LRRC7: variants seen among roughly 807,000 people sequenced by gnomAD.
The protein encoded by LRRC7 is leucine rich repeat containing 7.
In LRRC7, 23 loss-of-function variants were observed where a neutral mutation model predicts 175.7. The ratio of observed to expected loss-of-function variants is 0.13; its 90% CI spans 0.09 to 0.19. The LOEUF is 0.19. Among genes scored for constraint, LRRC7 ranks in the 10% least tolerant of loss-of-function variants. The probability of loss-of-function intolerance (pLI) is 1.00; values close to 1 mark genes in which losing one functional copy is unlikely to be tolerated. For synonymous variants in LRRC7, 685 were observed against 680.9 expected, an observed-to-expected ratio of 1.01 and a Z score of -0.09; for missense variants, 1,354 against 1,904.7, an observed-to-expected ratio of 0.71 and a Z score of 5.38.
At chr1:69,620,926 A>G (rs995536679) in intron 1 of LRRC7, among the ~76,000 whole-genome samples, 3 of 152,318 alleles carry the variant, frequency 2.0e-5, no homozygotes, top group Admixed American at 2.0e-4. Context: ...ACAGAAGTCT[A>G]GGTAAAAGAC....
intron 23 of LRRC7, among the ~76,000 whole-genome samples, chr1:70,069,093 T>A (rs1269400199): frequency 6.6e-6 from 1 of 152,170 alleles, no homozygotes; most frequent in East Asian, 1.9e-4. Flanking sequence ...GGTAGTTTGC[T>A]TTAGTTTTCA....
At chr1:70,120,666 G>A (rs1236907709) in intron 26 of LRRC7, among the ~76,000 whole-genome samples, 1 of 151,990 alleles carries the variant, frequency 6.6e-6, no homozygotes, top group South Asian at 2.1e-4. Context: ...AAATAAAAAA[G>A]GCAATGTGTA....
At chr1:69,814,088 C>G (rs1477302386) in intron 4 of LRRC7, among the ~76,000 whole-genome samples, 2 of 151,956 alleles carry the variant, frequency 1.3e-5, no homozygotes, top group African/African-American at 4.8e-5. Context: ...GAGGACCAGA[C>G]AGAAGATTAC....
intron 11 of LRRC7, among the ~76,000 whole-genome samples, chr1:70,011,585 A>C (rs1656514891): frequency 2.6e-5 from 4 of 152,154 alleles, no homozygotes. Flanking sequence ...ATAACAGGTA[A>C]ATTTAGAAAG....
At chr1:70,019,441 A>G (rs1657254586) in intron 15 of LRRC7, among the ~76,000 whole-genome samples, 2 of 152,026 alleles carry the variant, frequency 1.3e-5, no homozygotes, top group Non-Finnish European at 2.9e-5. Context: ...GAAACTTAGC[A>G]TAGGCTCCTT....
chr1:69,812,705 CTGA>C (rs1200687418), intron 4 of LRRC7, among the ~76,000 whole-genome samples: 2 of 151,946 alleles, frequency 1.3e-5, no homozygotes, highest in Non-Finnish European at 1.5e-5. Context: ...ACCATTTGGG[CTGA>C]TGATATGTGT....
chr1:69,663,181 T>G (rs1420929826), intron 1 of LRRC7, among the ~76,000 whole-genome samples: 1 of 152,206 alleles, frequency 6.6e-6, no homozygotes, highest in Non-Finnish European at 1.5e-5. Context: ...TACCATGAAT[T>G]ATTTCTGTTG....
At chr1:69,939,427 A>C (rs2101794960) in intron 8 of LRRC7, among the ~76,000 whole-genome samples, 1 of 152,158 alleles carries the variant, frequency 6.6e-6, no homozygotes, top group Middle Eastern at 3.4e-3. Flanking sequence ...ACAGTGAAGT[A>C]TTGCTGAGGA....
At chr1:69,752,863 T>G (rs779093182) in intron 2 of LRRC7, among the ~76,000 whole-genome samples, 1 of 152,156 alleles carries the variant, frequency 6.6e-6, no homozygotes, top group Non-Finnish European at 1.5e-5. Flanking sequence ...TAGAAGGGCC[T>G]TAACAGAAAG....
intron 9 of LRRC7, among the ~76,000 whole-genome samples, chr1:69,983,079 T>A (rs1653596370): frequency 6.6e-6 from 1 of 152,236 alleles, no homozygotes; most frequent in African/African-American, 2.4e-5. Flanking sequence ...CATATCATTC[T>A]TTCATTGCTC....
chr1:70,053,255 A>G (rs1207127818), intron 23 of LRRC7, 110 bp downstream of exon 23: 8 of 1,075,432 alleles, frequency 7.4e-6, no homozygotes, highest in Non-Finnish European at 1.0e-5. Context: ...GATAACTTTA[A>G]GGTAAATATT....
intron 15 of LRRC7, 95 bp downstream of exon 15, chr1:70,018,913 T>G: frequency 1.2e-6 from 1 of 822,190 alleles, no homozygotes; most frequent in Non-Finnish European, 2.0e-6. Context: ...TACTGGCACA[T>G]GGACAAGCTT....
At chr1:69,756,542 G>A (rs890610516) in intron 2 of LRRC7, among the ~76,000 whole-genome samples, 2 of 151,472 alleles carry the variant, frequency 1.3e-5, no homozygotes, top group African/African-American at 4.8e-5. Flanking sequence ...GTGTGAAATA[G>A]GATTTTGAAT....
At chr1:69,654,884 A>G (rs1348065873) in intron 1 of LRRC7, among the ~76,000 whole-genome samples, 2 of 152,130 alleles carry the variant, frequency 1.3e-5, no homozygotes, top group Non-Finnish European at 2.9e-5. Flanking sequence ...ATTAATTTTT[A>G]AAATATACAT....
At chr1:69,644,094 A>C (rs1219590730) in intron 1 of LRRC7, among the ~76,000 whole-genome samples, 1 of 152,106 alleles carries the variant, frequency 6.6e-6, no homozygotes, top group Non-Finnish European at 1.5e-5. Flanking sequence ...CTATCTTGGA[A>C]TATATTCTAT....
chr1:69,937,650 A>T (rs1159593745), intron 8 of LRRC7, among the ~76,000 whole-genome samples: 2 of 151,998 alleles, frequency 1.3e-5, no homozygotes, highest in Non-Finnish European at 2.9e-5. Context: ...AATTTTGGAA[A>T]ATTATCAGCC....
chr1:69,575,907 A>G (rs1645926438), intron 1 of LRRC7, among the ~76,000 whole-genome samples: 1 of 152,140 alleles, frequency 6.6e-6, no homozygotes, highest in South Asian at 2.1e-4. Flanking sequence ...TACAGTTGGA[A>G]TTTGTAAAAC....
At chr1:69,863,188 G>T (rs1684544657) in intron 7 of LRRC7, among the ~76,000 whole-genome samples, 1 of 152,072 alleles carries the variant, frequency 6.6e-6, no homozygotes, top group Non-Finnish European at 1.5e-5. Flanking sequence ...GGAACTCTCT[G>T]CCCCCAGAGG....
At chr1:69,603,217 C>A (rs780100207) in intron 1 of LRRC7, among the ~76,000 whole-genome samples, 57 of 152,150 alleles carry the variant, frequency 3.7e-4, no homozygotes, top group Non-Finnish European at 6.8e-4. Flanking sequence ...GATTTAAAAA[C>A]CCTATTCCCA....
Sources: allele counts gnomAD v4.1 joint callset (sites outside exome capture counted in the v4.1 genomes callset), GRCh38; gene constraint gnomAD v4.1.1; transcripts MANE v1.5; gene names NCBI Gene and HGNC (gene_info 2026-07-23, HGNC 2026-07-21).